The following RFX3 variants were observed in gnomAD, a reference collection of about 807,000 sequenced individuals.
RFX3 encodes transcription factor RFX3.
A neutral mutation model predicts 98.6 loss-of-function variants in RFX3; 14 were observed. The observed-to-expected ratio is 0.14, with a 90% confidence interval of 0.09 to 0.22. RFX3 has a LOEUF of 0.22. Among genes scored for constraint, RFX3 ranks in the 10% least tolerant of loss-of-function variants. The pLI is 1.00. For missense variants in RFX3, 639 were observed against 926.9 expected, an observed-to-expected ratio of 0.69 and a Z score of 4.03; for synonymous variants, 383 against 328.4, an observed-to-expected ratio of 1.17 and a Z score of -1.80.
intron 2 of RFX3, among the ~76,000 whole-genome samples, chr9:3,349,043 T>C (rs1205126489): frequency 1.3e-5 from 2 of 152,144 alleles, no homozygotes; most frequent in Non-Finnish European, 2.9e-5. Context: ...TTCTAGGTCT[T>C]TTCATTGAAC....
At chr9:3,269,973 T>C (rs80091816) in intron 11 of RFX3, among the ~76,000 whole-genome samples, 7,474 of 151,976 alleles carry the variant, frequency 0.049, 535 homozygotes, top group African/African-American at 0.16. Flanking sequence ...ATAATTTTTA[T>C]ACGGTTGACT....
intron 11 of RFX3, among the ~76,000 whole-genome samples, chr9:3,270,126 G>GAAAGAAAGAAAGAAAGAAAGGAAA (rs369052815): frequency 3.8e-5 from 4 of 106,512 alleles, no homozygotes; most frequent in African/African-American, 2.1e-4. Context: ...AAGAAAGAAA[G>GAAAGAAAGAAAGAAAGAAAGGAAA]GAAAGAAAGA....
At chr9:3,456,486 T>C (rs1012062067) in intron 1 of RFX3, among the ~76,000 whole-genome samples, 4 of 152,188 alleles carry the variant, frequency 2.6e-5, no homozygotes, top group Non-Finnish European at 5.9e-5. Flanking sequence ...TTATGTGATA[T>C]GCAAATGTGA....
intron 2 of RFX3, among the ~76,000 whole-genome samples, chr9:3,391,743 C>T (rs1840333636): frequency 6.6e-6 from 1 of 152,044 alleles, no homozygotes; most frequent in African/African-American, 2.4e-5. Flanking sequence ...GACAGCAATC[C>T]AATTTTTGTT....
intron 1 of RFX3, among the ~76,000 whole-genome samples, chr9:3,409,123 C>T (rs1459273208): frequency 1.3e-5 from 2 of 152,186 alleles, no homozygotes; most frequent in East Asian, 1.9e-4. Flanking sequence ...ATGTAATATT[C>T]TGTCATTTTG....
chr9:3,245,762 A>G (rs1276359902), intron 15 of RFX3, among the ~76,000 whole-genome samples: 1 of 152,090 alleles, frequency 6.6e-6, no homozygotes, highest in Non-Finnish European at 1.5e-5. Flanking sequence ...TGCTATTATT[A>G]CTCATTATTC....
intron 1 of RFX3, among the ~76,000 whole-genome samples, chr9:3,408,632 A>ACACG (rs1190236627): frequency 3.3e-5 from 5 of 151,758 alleles, no homozygotes; most frequent in Admixed American, 2.6e-4. Flanking sequence ...ACACACACAC[A>ACACG]CACGCACGCA....
At chr9:3,488,736 T>C (rs747489369) in intron 1 of RFX3, 210 of 976,176 alleles carry the variant, frequency 2.2e-4, no homozygotes, top group Non-Finnish European at 2.5e-4. Flanking sequence ...TTGTAGAAAA[T>C]GCATAGGGGA....
intron 1 of RFX3, among the ~76,000 whole-genome samples, chr9:3,450,132 ATAAAAT>A (rs1424543337): frequency 6.6e-6 from 1 of 152,226 alleles, no homozygotes; most frequent in Non-Finnish European, 1.5e-5. Context: ...CAGAGAAAAA[ATAAAAT>A]TAAAATATAA....
At chr9:3,520,777 A>C (rs1386942171) in intron 1 of RFX3, among the ~76,000 whole-genome samples, 1 of 152,136 alleles carries the variant, frequency 6.6e-6, no homozygotes, top group Non-Finnish European at 1.5e-5. Flanking sequence ...CTGGGCTAAA[A>C]AATTCTCTCA....
At chr9:3,454,252 T>C (rs1460227978) in intron 1 of RFX3, among the ~76,000 whole-genome samples, 2 of 152,196 alleles carry the variant, frequency 1.3e-5, no homozygotes, top group Non-Finnish European at 2.9e-5. Context: ...GGATCTGTAT[T>C]TGCATAGCTT....
At chr9:3,472,427 A>G (rs1053259864) in intron 1 of RFX3, among the ~76,000 whole-genome samples, 1 of 152,210 alleles carries the variant, frequency 6.6e-6, no homozygotes, top group Non-Finnish European at 1.5e-5. Context: ...GATGTAATAC[A>G]TATATGTCAC....
chr9:3,485,539 T>C (rs1420283025), intron 1 of RFX3, among the ~76,000 whole-genome samples: 2 of 152,198 alleles, frequency 1.3e-5, no homozygotes, highest in African/African-American at 2.4e-5. Context: ...TGTTGACTAA[T>C]TTTTTGCTTC....
At chr9:3,290,541 G>C (rs1424598411) in intron 6 of RFX3, among the ~76,000 whole-genome samples, 1 of 152,050 alleles carries the variant, frequency 6.6e-6, no homozygotes, top group Non-Finnish European at 1.5e-5. Context: ...GAGATAGTAG[G>C]TTAGGTCCCC....
intron 1 of RFX3, among the ~76,000 whole-genome samples, chr9:3,456,487 G>A (rs927244652): frequency 6.6e-6 from 1 of 151,976 alleles, no homozygotes; most frequent in African/African-American, 2.4e-5. Flanking sequence ...TATGTGATAT[G>A]CAAATGTGAT....
chr9:3,421,300 G>A (rs13295925), intron 1 of RFX3, among the ~76,000 whole-genome samples: 35,695 of 152,094 alleles, frequency 0.23, 7,062 homozygotes, highest in African/African-American at 0.54. Flanking sequence ...GCTAACAAAA[G>A]CAATGGAGAA....
At chr9:3,443,319 A>T (rs1845760630) in intron 1 of RFX3, among the ~76,000 whole-genome samples, 1 of 152,134 alleles carries the variant, frequency 6.6e-6, no homozygotes, top group South Asian at 2.1e-4. Context: ...TAAGCCCAGC[A>T]TCCATTAGCT....
chr9:3,222,927 T>G lies in RFX3; in HGVS notation c.*2115A>C, dbSNP rs1817416719. 1 of 152,146 alleles carries G rather than the reference T, an allele frequency of 6.6e-6. No homozygotes were observed. The highest frequency in any genetic ancestry group is 2.4e-5 in the African/African-American group (1 of 41,436). 9.4% of individuals were successfully genotyped at this position (152,146 alleles called of 1,614,324 possible). A position where few individuals can be genotyped will look rare whatever the true frequency, so the allele number is the denominator to read the frequency against. ...AAAATTACATCTAAAATATTTAAAT[T>G]TTACTTAAGAAATGTTGTTGATGTT... On this transcript the variant is annotated 3_prime_UTR_variant, in exon 17 of 17. Transcript: ENST00000617270.
At chr9:3,416,122 A>T (rs1311385410) in intron 1 of RFX3, among the ~76,000 whole-genome samples, 5 of 152,348 alleles carry the variant, frequency 3.3e-5, no homozygotes, top group African/African-American at 1.2e-4. Flanking sequence ...AATTACTTCC[A>T]GAATCTTTAC....
Sources: gnomAD v4.1 joint callset for allele counts (sites outside exome capture counted in the v4.1 genomes callset) on GRCh38, gnomAD v4.1.1 for gene constraint, MANE v1.5 for transcripts, NCBI Gene and HGNC (gene_info 2026-07-23, HGNC 2026-07-21) for gene names.